RIMS2: variants seen among roughly 807,000 people sequenced by gnomAD.
RIMS2 encodes the protein regulating synaptic membrane exocytosis 2.
RIMS2 carries 59 observed loss-of-function variants against 174.4 expected under a neutral mutation model. That is an observed-to-expected ratio of 0.34 (90% CI 0.27 to 0.42). The LOEUF (loss-of-function observed/expected upper bound fraction) is 0.42. Ranked by LOEUF, RIMS2 falls within the 10% of genes least tolerant of loss-of-function variation. The pLI is 1.00. For missense variants in RIMS2, 1,620 were observed against 1,666.3 expected (o/e 0.97, Z 0.48); for synonymous variants, 606 against 572.5 (o/e 1.06, Z -0.84).
intron 3 of RIMS2, among the ~76,000 whole-genome samples, chr8:103,811,963 T>C (rs2098690369): frequency 6.6e-6 from 1 of 152,232 alleles, no homozygotes; most frequent in Admixed American, 6.5e-5. Flanking sequence ...TTTCCCTTTC[T>C]TTTTTGAATT....
intron 19 of RIMS2, 24 bp downstream of exon 23, chr8:104,068,636 G>T (rs1362333122): frequency 8.3e-7 from 1 of 1,200,982 alleles, no homozygotes; most frequent in African/African-American, 1.5e-5. Context: ...CTTTTTAAAA[G>T]TTGTAAAATA....
At chr8:103,717,315 A>G (rs564350823) in intron 2 of RIMS2, among the ~76,000 whole-genome samples, 1 of 151,400 alleles carries the variant, frequency 6.6e-6, no homozygotes, top group Non-Finnish European at 1.5e-5. Flanking sequence ...TCCTTAAAAA[A>G]AAAAAAAACC....
chr8:103,540,863 G>T (rs1226363930), intron 1 of RIMS2, among the ~76,000 whole-genome samples: 1 of 152,016 alleles, frequency 6.6e-6, no homozygotes, highest in Non-Finnish European at 1.5e-5. Flanking sequence ...AAAAAACAAT[G>T]ACTGGAATGA....
intron 3 of RIMS2, among the ~76,000 whole-genome samples, chr8:103,828,246 A>G (rs1054627542): frequency 1.3e-5 from 2 of 152,206 alleles, no homozygotes; most frequent in Admixed American, 1.3e-4. Flanking sequence ...TTGGATGAAC[A>G]GTTGGTATCA....
chr8:103,664,257 A>G (rs1405119493), intron 1 of RIMS2, among the ~76,000 whole-genome samples: 4 of 152,250 alleles, frequency 2.6e-5, no homozygotes, highest in African/African-American at 9.6e-5. Flanking sequence ...AGCAATGGCA[A>G]CAAAAGCCAA....
chr8:103,861,203 TC>T (rs1218632486), intron 3 of RIMS2, among the ~76,000 whole-genome samples: 1 of 151,822 alleles, frequency 6.6e-6, no homozygotes, highest in Admixed American at 6.6e-5. Flanking sequence ...GTTGTTTAGC[TC>T]CCACTTACAA....
At position 103,512,179 on chromosome 8, in the gene RIMS2, C is replaced by T. The variant is rs182182535; in HGVS notation, c.176+11117C>T. 3.6e-3 allele frequency among the ~76,000 whole-genome samples: 542 copies of T among 152,278 alleles called. 10 individuals are homozygous for T. The highest frequency in any genetic ancestry group is 0.013 in the Admixed American group (203 of 15,294). ...CAACCATGCACTGTAGCAAGAACAA[C>T]GAAACACCCAGAACCTTGAAGTCCT... On this transcript the variant is annotated intron_variant, in intron 1 of 23. Transcript: ENST00000504942.
At chr8:104,232,471 G>A (rs2099235861) in intron 19 of RIMS2, among the ~76,000 whole-genome samples, 2 of 152,194 alleles carry the variant, frequency 1.3e-5, no homozygotes, top group Non-Finnish European at 2.9e-5. Context: ...GGCAATTTAA[G>A]CAGAAAAGAA....
At chr8:103,692,940 A>G (rs1033005160) in intron 1 of RIMS2, among the ~76,000 whole-genome samples, 2 of 152,192 alleles carry the variant, frequency 1.3e-5, no homozygotes, top group Non-Finnish European at 1.5e-5. Context: ...GCACAGAATC[A>G]GGAATTGCCC....
chr8:104,250,965 G>A lies in RIMS2; in HGVS notation c.3692-59G>A, dbSNP rs79769658. On this transcript the variant is annotated intron_variant, in intron 22 of 23. Transcript: ENST00000504942. ...ACTAAACTGGTAAATGTCACCGTGC[G>A]TCGGCCATTTCATGTCCATAGTTTA... The A allele has an allele frequency of 2.0e-3, 2,877 of 1,460,148 alleles. 41 individuals are homozygous for A. In the African/African-American group the frequency reaches 0.034, roughly 17 times the overall value. The allele number at this position is 1,460,148 out of a possible 1,614,324, so 90.4% of individuals were successfully genotyped here. A position where few individuals can be genotyped will look rare whatever the true frequency, so the allele number is the denominator to read the frequency against.
chr8:104,079,370 T>A (rs531190793), intron 19 of RIMS2, among the ~76,000 whole-genome samples: 1 of 151,584 alleles, frequency 6.6e-6, no homozygotes, highest in African/African-American at 2.4e-5. Context: ...AAATAAAAAA[T>A]AATAATAAAC....
At chr8:103,839,154 G>A (rs1278772184) in intron 3 of RIMS2, among the ~76,000 whole-genome samples, 2 of 152,130 alleles carry the variant, frequency 1.3e-5, no homozygotes, top group Non-Finnish European at 2.9e-5. Flanking sequence ...CATATTCATT[G>A]TGTTATTTTA....
chr8:103,842,138 T>C (rs2098943609), intron 3 of RIMS2, among the ~76,000 whole-genome samples: 1 of 152,162 alleles, frequency 6.6e-6, no homozygotes, highest in Non-Finnish European at 1.5e-5. Context: ...TTTAGGTATG[T>C]TCATAAAATC....
intron 1 of RIMS2, among the ~76,000 whole-genome samples, chr8:103,579,604 T>C (rs551532359): frequency 4.6e-5 from 7 of 152,330 alleles, no homozygotes; most frequent in African/African-American, 1.2e-4. Context: ...CTGTGTTCTT[T>C]ATGATGTAAG....
exon 4 of RIMS2, chr8:103,885,975 A>G (rs746871251): frequency 1.6e-5 from 26 of 1,612,994 alleles, no homozygotes; most frequent in Non-Finnish European, 2.1e-5. Context: ...AAACAGCACC[A>G]CTTAGATCCT....
chr8:103,739,456 CA>C, intron 2 of RIMS2, among the ~76,000 whole-genome samples: 1 of 152,128 alleles, frequency 6.6e-6, no homozygotes, highest in Non-Finnish European at 1.5e-5. Context: ...TGCAGCACAC[CA>C]ACATGGCACA....
chr8:103,716,321 G>T lies in RIMS2; in HGVS notation c.387+19025G>T, dbSNP rs2097367586. The stretch of plus-strand genomic sequence containing the variant: ...ATATTCACTCCAGGAGGACAAAGTG[G>T]TTAGAGTCTTTTTTTCTGTCTAATA... On this transcript the variant is annotated intron_variant, in intron 2 of 23. Coordinates refer to ENST00000504942, the Ensembl canonical transcript of RIMS2. 6.6e-6 allele frequency: 1 copy of T among 151,904 alleles called. No individual in the cohort carries two copies. The highest frequency in any genetic ancestry group is 6.6e-5 in the Admixed American group (1 of 15,250). The allele number at this position is 151,904 out of a possible 1,614,324, so 9.4% of individuals were successfully genotyped here. A position where few individuals can be genotyped will look rare whatever the true frequency, so the allele number is the denominator to read the frequency against.
chr8:103,893,589 C>A (rs2099260017), intron 4 of RIMS2, among the ~76,000 whole-genome samples: 1 of 151,902 alleles, frequency 6.6e-6, no homozygotes, highest in Admixed American at 6.6e-5. Flanking sequence ...CTGTATATCT[C>A]TTGTTTTTGA....
intron 19 of RIMS2, among the ~76,000 whole-genome samples, chr8:104,225,385 T>C (rs1302820970): frequency 6.6e-6 from 1 of 152,182 alleles, no homozygotes; most frequent in Admixed American, 6.5e-5. Flanking sequence ...TACATTCACA[T>C]ACATAGTAAG....
Sources: gnomAD v4.1 joint callset for allele counts (sites outside exome capture counted in the v4.1 genomes callset) on GRCh38, gnomAD v4.1.1 for gene constraint, MANE v1.5 for transcripts, NCBI Gene and HGNC (gene_info 2026-07-23, HGNC 2026-07-21) for gene names.